The following TMA16 variants were observed in gnomAD, a reference collection of about 807,000 sequenced individuals.
TMA16 encodes translation machinery associated 16 homolog.
TMA16 carries 26 observed loss-of-function variants against 27.1 expected under a neutral mutation model. The ratio of observed to expected loss-of-function variants is 0.96; its 90% CI spans 0.70 to 1.33. The LOEUF (loss-of-function observed/expected upper bound fraction) is 1.33. Among genes scored for constraint, TMA16 ranks in the 40% most tolerant of loss-of-function variants. The probability of loss-of-function intolerance (pLI) is 0.00; values close to 1 mark genes in which losing one functional copy is unlikely to be tolerated. For synonymous variants in TMA16, 71 were observed against 81.9 expected (o/e 0.87, Z 0.72); for missense variants, 233 against 241.4 (o/e 0.97, Z 0.23).
At chr4:163,507,348 A>C (rs185700514) in intron 2 of TMA16, among the ~76,000 whole-genome samples, 2 of 152,286 alleles carry the variant, frequency 1.3e-5, no homozygotes, top group Admixed American at 1.3e-4. Flanking sequence ...ATGTAGCAGT[A>C]GGTGATGAGT....
In TMA16 at chr4:163,519,629, G is replaced by T. The variant is rs1289027030; in HGVS notation, c.*115G>T. The T allele has an allele frequency of 1.1e-5, 11 of 1,023,028 alleles. No individual in the cohort carries two copies. The highest frequency in any genetic ancestry group is 1.5e-5 in the Non-Finnish European group (11 of 726,364). The allele number at this position is 1,023,028 out of a possible 1,614,324, so 63.4% of individuals were successfully genotyped here. On this transcript the variant is annotated 3_prime_UTR_variant, in exon 7 of 7. Coordinates refer to ENST00000358572, the MANE Select transcript of TMA16 (RefSeq NM_018352.3). ...TGATACTGACATTCTCTTATATGAT[G>T]AGAGTTTCATTTGCGTTTCAAAAAT...
At chr4:163,505,290 TA>T (rs1737704820) in intron 1 of TMA16, among the ~76,000 whole-genome samples, 1 of 152,216 alleles carries the variant, frequency 6.6e-6, no homozygotes, top group South Asian at 2.1e-4. Context: ...GAGAGATACA[TA>T]AAAGAGTACA....
intron 1 of TMA16, among the ~76,000 whole-genome samples, chr4:163,505,753 G>A (rs1481782668): frequency 6.6e-6 from 1 of 152,192 alleles, no homozygotes; most frequent in African/African-American, 2.4e-5. Flanking sequence ...AGCACTTTAA[G>A]CAGGGGAGAG....
chr4:163,494,752 T>C lies in TMA16; in HGVS notation c.-50T>C, dbSNP rs748485743. On this transcript the variant is annotated 5_prime_UTR_variant, in exon 1 of 7. Transcript: ENST00000358572. ...GCTGCTGCTCCTGCGGTTGGTGAGA[T>C]TACCTGGGTCTAGAGTGCGGAGCTG... 2 of 1,613,006 alleles carry C rather than the reference T, an allele frequency of 1.2e-6. No homozygotes were observed. Among genetic ancestry groups the C allele is most frequent in the Non-Finnish European group, 1.7e-6 (2 of 1,179,902 alleles).
chr4:163,509,418 T>G (rs139064949), intron 2 of TMA16, among the ~76,000 whole-genome samples: 2,280 of 152,314 alleles, frequency 0.015, 41 homozygotes, highest in Non-Finnish European at 0.02. Context: ...TGTTGCTGCA[T>G]AAGAAATTCT....
In TMA16 at chr4:163,520,361, CCTT is replaced by C. The variant is rs1173397530; in HGVS notation, c.*848_*850del. 1.2e-5 allele frequency: 2 copies of C among 161,198 alleles called. No individual in the cohort carries two copies. The highest frequency in any genetic ancestry group is 2.5e-5 in the African/African-American group (1 of 40,656). 10.0% of individuals were successfully genotyped at this position (161,198 alleles called of 1,614,324 possible). A position where few individuals can be genotyped will look rare whatever the true frequency, so the allele number is the denominator to read the frequency against. On this transcript the variant is annotated 3_prime_UTR_variant, in exon 7 of 7. Coordinates refer to ENST00000358572, the MANE Select transcript of TMA16 (RefSeq NM_018352.3). ...CAAAAAACTTTTTAAATGTAAGTAT[CCTT>C]ATTTTTTTTTTAAAAGAGCACAATG...
At chr4:163,502,643 T>C (rs1460739971) in intron 1 of TMA16, among the ~76,000 whole-genome samples, 1 of 152,020 alleles carries the variant, frequency 6.6e-6, no homozygotes, top group Non-Finnish European at 1.5e-5. Context: ...GAAGATTGGG[T>C]GGGGTTTAGA....
At position 163,507,112 on chromosome 4, in the gene TMA16, C is replaced by T. The variant is rs1049480046; in HGVS notation, c.83C>T (p.Thr28Met). Residue 28 changes from threonine (T) to methionine (M), a missense_variant, in exon 2 of 7, where the codon ACG becomes ATG. Transcript: ENST00000358572. ...TATAGTAGAAAAGCAGCTCAAATTA[C>T]GAGAGAGGCCCACAAACAAGAAAAA... ...HPYSRKAAQI[T>M]REAHKQEKKE... The T allele has an allele frequency of 2.0e-5, 32 of 1,588,584 alleles. No individual in the cohort carries two copies. The highest frequency in any genetic ancestry group is 3.4e-5 in the South Asian group (3 of 87,086).
intron 1 of TMA16, among the ~76,000 whole-genome samples, chr4:163,500,184 A>G (rs555004225): frequency 1.5e-4 from 23 of 150,512 alleles, no homozygotes; most frequent in African/African-American, 5.6e-4. Context: ...TAAGAAACGT[A>G]TAGTTTATTT....
At chr4:163,496,844 G>A (rs1040168717) in intron 1 of TMA16, among the ~76,000 whole-genome samples, 1 of 124,008 alleles carries the variant, frequency 8.1e-6, no homozygotes, top group Non-Finnish European at 1.8e-5. Flanking sequence ...ATGAGACAGG[G>A]TTTCACCACA....
intron 1 of TMA16, among the ~76,000 whole-genome samples, chr4:163,497,852 G>T (rs1560911158): frequency 6.6e-6 from 1 of 152,168 alleles, no homozygotes; most frequent in Admixed American, 6.5e-5. Context: ...GCATTATTGC[G>T]TCTGCCACAA....
chr4:163,505,208 T>C (rs899914995), intron 1 of TMA16, among the ~76,000 whole-genome samples: 24 of 152,166 alleles, frequency 1.6e-4, no homozygotes, highest in African/African-American at 5.8e-4. Context: ...TTGATTCATG[T>C]TTGCTAGGTA....
At chr4:163,517,141 A>G (rs1039005308) in intron 5 of TMA16, 2 of 326,248 alleles carry the variant, frequency 6.1e-6, no homozygotes, top group African/African-American at 4.5e-5. Flanking sequence ...TGACCTCCTG[A>G]TCCACCTGCC....
intron 6 of TMA16, among the ~76,000 whole-genome samples, chr4:163,518,460 C>T (rs1737918623): frequency 6.6e-6 from 1 of 152,124 alleles, no homozygotes; most frequent in South Asian, 2.1e-4. Flanking sequence ...AGAAAATATT[C>T]TCAAATTGTT....
Position 163,512,831 on chromosome 4 carries a change from T to G in TMA16, c.126T>G (p.Asn42Lys). The change falls in exon 3 of 7, where the codon AAT (asparagine) becomes AAG (lysine). Residue 42 changes from asparagine to lysine, a missense_variant. Physicochemically the swap from Asn to Lys is moderately conservative, Grantham distance 94. Coordinates refer to ENST00000358572, the MANE Select transcript of TMA16 (RefSeq NM_018352.3). ...TACCTTTCCTTCAAAGATTGAAGAA[T>G]GAAAAGGCCTTGCGTCTCAACCTTG... ...HKQEKKEKLKNEKALRLNLVG... is the reference protein window; with the variant it reads ...HKQEKKEKLKKEKALRLNLVG... The G allele has an allele frequency of 6.2e-7, 1 of 1,601,782 alleles. No individual in the cohort carries two copies. Among genetic ancestry groups the G allele is most frequent in the Non-Finnish European group, 8.5e-7 (1 of 1,172,056 alleles).
intron 1 of TMA16, among the ~76,000 whole-genome samples, chr4:163,495,627 A>AT (rs563519789): frequency 9.9e-5 from 15 of 152,164 alleles, no homozygotes; most frequent in African/African-American, 2.6e-4. Context: ...TGCTTTATAA[A>AT]TTTTTTTCAA....
intron 5 of TMA16, 91 bp downstream of exon 5, chr4:163,515,552 A>C: frequency 7.4e-7 from 1 of 1,344,562 alleles, no homozygotes; most frequent in South Asian, 2.0e-5. Context: ...GATCTTGTTT[A>C]TTTCATTTGA....
At chr4:163,518,515 T>C (rs1024994760) in intron 6 of TMA16, among the ~76,000 whole-genome samples, 4 of 152,152 alleles carry the variant, frequency 2.6e-5, no homozygotes, top group African/African-American at 9.6e-5. Context: ...AAGAAACAAA[T>C]GAATCAACAA....
chr4:163,503,252 G>T (rs1022076408), intron 1 of TMA16, among the ~76,000 whole-genome samples: 1 of 152,020 alleles, frequency 6.6e-6, no homozygotes, highest in Non-Finnish European at 1.5e-5. Context: ...ATGTTTAAGG[G>T]TATTATGATG....
Sources: allele counts gnomAD v4.1 joint callset (sites outside exome capture counted in the v4.1 genomes callset), GRCh38; gene constraint gnomAD v4.1.1; transcripts MANE v1.5; gene names NCBI Gene and HGNC (gene_info 2026-07-23, HGNC 2026-07-21).